BCOR: variants seen among roughly 807,000 people sequenced by gnomAD.
The protein encoded by BCOR is BCL6 corepressor, also known as BCL-6 corepressor.
Under a neutral mutation model 86.7 loss-of-function variants are expected in BCOR, and 10 were observed. That is an observed-to-expected ratio of 0.12 (90% CI 0.07 to 0.20). The LOEUF is 0.20. Among genes scored for constraint, BCOR ranks in the 10% least tolerant of loss-of-function variants. BCOR has a pLI of 1.00. For synonymous variants in BCOR, 611 were observed against 609.0 expected, an observed-to-expected ratio of 1.00 and a Z score of -0.05; for missense variants, 1,259 against 1,452.1, an observed-to-expected ratio of 0.87 and a Z score of 2.16.
At chrX:40,106,019 C>A (rs984259577) in intron 1 of BCOR, among the ~76,000 whole-genome samples, 2 of 112,686 alleles carry the variant, frequency 1.8e-5, no homozygotes, top group Admixed American at 1.8e-4. Flanking sequence ...TAGGTCATGG[C>A]GGCACCGGTA....
rs538820529 is a variant in BCOR, at chrX:40,074,852, G to A, written c.494C>T (p.Ala165Val). ...GCTGGCAGGCCTGTCCAAGCCCAGC[G>A]CTTCTGCTGTGGCTACAGCACTTTT... ...IQKSAVATAEALGLDRPASDK... is the reference protein window; with the variant it reads ...IQKSAVATAEVLGLDRPASDK... Residue 165 changes from alanine (A) to valine (V), a missense_variant, in exon 4 of 15, where the codon GCG (alanine) becomes GTG (valine). By Grantham distance (64) the Ala-to-Val change is moderately conservative. Around this residue, in one of 7 missense-constraint regions of BCOR, gnomAD observed 174 missense variants for 189.3 expected, o/e 0.92. Coordinates refer to ENST00000378444, the MANE Select transcript of BCOR (RefSeq NM_001123385.2). 1.9e-5 allele frequency: 23 copies of A among 1,209,416 alleles called. No individual in the cohort carries two copies. The East Asian group carries it at 3.6e-4, about 19-fold the overall frequency.
intron 6 of BCOR, 145 bp from the exon 7 acceptor site, chrX:40,064,744 G>A: frequency 1.6e-6 from 1 of 643,606 alleles, no homozygotes; most frequent in Non-Finnish European, 2.4e-6. Context: ...CTCACACATG[G>A]TTAGCACAAA....
At chrX:40,144,305 G>A (rs908179732) in intron 1 of BCOR, among the ~76,000 whole-genome samples, 1 of 112,194 alleles carries the variant, frequency 8.9e-6, no homozygotes, top group Admixed American at 9.4e-5. Flanking sequence ...GAAACCTGGA[G>A]AAGAAGGCCA....
At chrX:40,131,474 C>A (rs1384098555) in intron 1 of BCOR, among the ~76,000 whole-genome samples, 1 of 111,995 alleles carries the variant, frequency 8.9e-6, no homozygotes, top group African/African-American at 3.2e-5. Flanking sequence ...ATGGAGAAAT[C>A]CCATCTCTAC....
At chrX:40,173,806 A>C (rs1242770262) in intron 1 of BCOR, among the ~76,000 whole-genome samples, 2 of 111,933 alleles carry the variant, frequency 1.8e-5, no homozygotes, top group Non-Finnish European at 3.8e-5. Context: ...TCTTTAAATC[A>C]GTTCTCGGAG....
intron 1 of BCOR, among the ~76,000 whole-genome samples, chrX:40,081,059 C>A (rs1307411935): frequency 9.0e-6 from 1 of 111,610 alleles, no homozygotes. Flanking sequence ...AAGTGGAGGT[C>A]TGTTGAACAA....
Position 40,052,114 on chromosome X carries a change from A to G in BCOR, c.5263T>C (p.Trp1755Arg). The G allele has an allele frequency of 8.4e-7, 1 of 1,194,875 alleles. No individual in the cohort carries two copies. Among genetic ancestry groups the G allele is most frequent in the Non-Finnish European group, 1.1e-6 (1 of 886,134 alleles). Residue 1755 changes from tryptophan (W) to arginine (R), a missense_variant, in exon 15 of 15, where the codon TGG (tryptophan) becomes CGG (arginine). Coordinates refer to ENST00000378444, the MANE Select transcript of BCOR (RefSeq NM_001123385.2). Reference protein sequence around the residue: ...HPSDLASDNYW With the variant: ...HPSDLASDNYR ...ACATGGTGGGTCCAGCTTGCTCACCAGTAGTTGTCTGAGGCCAGATCACTG... is the reference window on the plus strand; with the variant it reads ...ACATGGTGGGTCCAGCTTGCTCACCGGTAGTTGTCTGAGGCCAGATCACTG...
chrX:40,176,655 C>T (rs1220113665), intron 1 of BCOR, among the ~76,000 whole-genome samples: 3 of 111,199 alleles, frequency 2.7e-5, no homozygotes, highest in African/African-American at 9.8e-5. Context: ...CCCTGGCTCC[C>T]ACACCGGTCC....
chrX:40,076,681 T>A, intron 2 of BCOR, 149 bp from the exon 3 acceptor site: 1 of 460,766 alleles, frequency 2.2e-6, no homozygotes, highest in South Asian at 2.8e-5. Flanking sequence ...TGGCCCATAT[T>A]GAAAGTCGCC....
intron 1 of BCOR, among the ~76,000 whole-genome samples, chrX:40,166,669 A>G (rs750910911): frequency 8.9e-6 from 1 of 112,477 alleles, no homozygotes; most frequent in South Asian, 3.7e-4. Flanking sequence ...GCAGGCTGGT[A>G]GGCCCTCAAA....
intron 1 of BCOR, among the ~76,000 whole-genome samples, chrX:40,142,451 G>C (rs899657389): frequency 8.9e-6 from 1 of 112,054 alleles, no homozygotes; most frequent in Admixed American, 9.5e-5. Flanking sequence ...GGTGCTAGTA[G>C]GGTCTTTAGC....
intron 1 of BCOR, among the ~76,000 whole-genome samples, chrX:40,172,014 CCT>C (rs1336744723): frequency 8.9e-6 from 1 of 112,907 alleles, no homozygotes; most frequent in African/African-American, 3.2e-5. Flanking sequence ...CCCCTCTGGG[CCT>C]GGGGTTGGCG....
intron 1 of BCOR, among the ~76,000 whole-genome samples, chrX:40,176,066 C>A (rs1938743418): frequency 1.8e-5 from 2 of 112,900 alleles, no homozygotes; most frequent in African/African-American, 6.4e-5. Flanking sequence ...AGTTTGTGTC[C>A]TTTCCCTCCC....
chrX:40,097,719 T>A lies in BCOR; in HGVS notation c.-545A>T, dbSNP rs1283880127. Among the ~76,000 whole-genome samples, 1 of 109,357 alleles carries A rather than the reference T, an allele frequency of 9.1e-6. No individual in the cohort carries two copies. The highest frequency in any genetic ancestry group is 1.9e-5 in the Non-Finnish European group (1 of 52,049). The allele number at this position is 109,357 out of a possible 115,157, so 95.0% of individuals were successfully genotyped here. A position where few individuals can be genotyped will look rare whatever the true frequency, so the allele number is the denominator to read the frequency against. ...GTTCGCCGCGAGCGCCCGCTCGGGCTGGGTGTGTGTGAGTGTGTGTGAGTG... is the reference window on the plus strand; with the variant it reads ...GTTCGCCGCGAGCGCCCGCTCGGGCAGGGTGTGTGTGAGTGTGTGTGAGTG... On this transcript the variant is annotated 5_prime_UTR_variant, in exon 1 of 15. Transcript: ENST00000378444.
At chrX:40,158,761 T>C (rs1283271397) in intron 1 of BCOR, among the ~76,000 whole-genome samples, 13 of 112,740 alleles carry the variant, frequency 1.2e-4, no homozygotes, top group Non-Finnish European at 2.4e-4. Context: ...TTAGGGCTCC[T>C]GATTGGAGAA....
chrX:40,123,769 G>A (rs1393407156), intron 1 of BCOR, among the ~76,000 whole-genome samples: 1 of 108,877 alleles, frequency 9.2e-6, no homozygotes, highest in Non-Finnish European at 1.9e-5. Context: ...AGGAGACGTG[G>A]GCTAGGGGAA....
chrX:40,095,440 T>C (rs1486545853), intron 1 of BCOR, among the ~76,000 whole-genome samples: 1 of 111,048 alleles, frequency 9.0e-6, no homozygotes, highest in Non-Finnish European at 1.9e-5. Flanking sequence ...TACCCAAGTC[T>C]GTCTGCACTC....
chrX:40,056,060 T>A (rs1339608867), intron 11 of BCOR, among the ~76,000 whole-genome samples: 1 of 109,511 alleles, frequency 9.1e-6, no homozygotes. Context: ...GCTCAAGTGA[T>A]CCTCCTGCCT....
At chrX:40,053,333 A>G (rs745416717) in intron 14 of BCOR, among the ~76,000 whole-genome samples, 8 of 112,312 alleles carry the variant, frequency 7.1e-5, no homozygotes, top group Non-Finnish European at 1.5e-4. Flanking sequence ...GTCAACACAC[A>G]GCAGAGCAGT....
Sources: gnomAD v4.1 joint callset for allele counts (sites outside exome capture counted in the v4.1 genomes callset) on GRCh38, gnomAD v4.1.1 for gene constraint, gnomAD v4.1.1 regional missense constraint, MANE v1.5 for transcripts, NCBI Gene and HGNC (gene_info 2026-07-23, HGNC 2026-07-21) for gene names.